GRM7: variants seen among roughly 807,000 people sequenced by gnomAD.
The protein encoded by GRM7 is metabotropic glutamate receptor 7.
Under a neutral mutation model 84.5 loss-of-function variants are expected in GRM7, and 35 were observed. The observed-to-expected ratio is 0.41, with a 90% CI of 0.32 to 0.55. GRM7 has a LOEUF of 0.55. Among genes scored for constraint, GRM7 ranks in the 20% least tolerant of loss-of-function variants. The pLI, the probability that GRM7 is intolerant of heterozygous loss-of-function variation, is 0.19. For missense variants in GRM7, 1,003 were observed against 1,194.6 expected, an observed-to-expected ratio of 0.84 and a Z score of 2.36; for synonymous variants, 487 against 455.1, an observed-to-expected ratio of 1.07 and a Z score of -0.89.
chr3:6,877,318 C>T (rs951285619), intron 1 of GRM7, among the ~76,000 whole-genome samples: 13 of 152,272 alleles, frequency 8.5e-5, no homozygotes, highest in Admixed American at 7.2e-4. Context: ...TTCATAGGCA[C>T]CTTGACGCCA....
chr3:7,580,844 G>A (rs554083486), intron 8 of GRM7, among the ~76,000 whole-genome samples: 1 of 151,778 alleles, frequency 6.6e-6, no homozygotes, highest in South Asian at 2.1e-4. Context: ...CTGGGCCAAG[G>A]GAATAGTAAA....
chr3:7,684,706 G>A (rs1700509322), intron 9 of GRM7, among the ~76,000 whole-genome samples: 1 of 152,088 alleles, frequency 6.6e-6, no homozygotes. Flanking sequence ...TCCATTATGT[G>A]TGGAATAAAC....
At chr3:6,876,582 A>T (rs545730099) in intron 1 of GRM7, among the ~76,000 whole-genome samples, 2 of 149,314 alleles carry the variant, frequency 1.3e-5, no homozygotes, top group Admixed American at 6.8e-5. Flanking sequence ...CTGATAAGTC[A>T]GAGGTTTTTA....
At chr3:7,544,238 C>G (rs986555724) in intron 7 of GRM7, among the ~76,000 whole-genome samples, 1 of 152,184 alleles carries the variant, frequency 6.6e-6, no homozygotes. Context: ...AGGTAGCTCA[C>G]TGCAGACTCG....
chr3:7,706,876 G>A lies in GRM7; in HGVS notation c.2698+26581G>A, dbSNP rs57396568. Among the ~76,000 whole-genome samples the A allele has an allele frequency of 4.6e-3, 699 of 152,158 alleles. 5 individuals carry two copies. Among genetic ancestry groups the A allele is most frequent in the African/African-American group, 0.015 (611 of 41,514 alleles). On this transcript the variant is annotated intron_variant, in intron 9 of 9. Transcript: ENST00000357716. ...GCATGACCAACCACCACCCTAAATC[G>A]CATGGTCACTATCTGGCTAGGAGGA...
chr3:7,175,331 A>G (rs1358655340), intron 2 of GRM7, among the ~76,000 whole-genome samples: 2 of 152,328 alleles, frequency 1.3e-5, no homozygotes, highest in East Asian at 3.9e-4. Flanking sequence ...ATTTTATAAT[A>G]TTTAATAATT....
intron 5 of GRM7, among the ~76,000 whole-genome samples, chr3:7,421,234 GCGC>G (rs1696380209): frequency 6.6e-6 from 1 of 152,150 alleles, no homozygotes. Flanking sequence ...GGGAAGCATA[GCGC>G]CACCTATGTT....
intron 8 of GRM7, among the ~76,000 whole-genome samples, chr3:7,671,481 G>A (rs746125842): frequency 4.0e-5 from 6 of 151,822 alleles, no homozygotes; most frequent in Middle Eastern, 3.2e-3. Flanking sequence ...CACCTGGAGC[G>A]CTCGCCTTAC....
At chr3:7,173,720 A>G (rs1164657570) in intron 2 of GRM7, among the ~76,000 whole-genome samples, 1 of 151,902 alleles carries the variant, frequency 6.6e-6, no homozygotes, top group Non-Finnish European at 1.5e-5. Flanking sequence ...GCCCCACCCC[A>G]CATTCATTTA....
intron 1 of GRM7, among the ~76,000 whole-genome samples, chr3:7,064,561 AT>A (rs775211525): frequency 0.24 from 32,470 of 137,382 alleles, 4,962 homozygotes; most frequent in African/African-American, 0.39. Context: ...ATATATATAT[AT>A]ATATATATCA....
At chr3:7,568,231 G>T (rs540577305) in intron 7 of GRM7, among the ~76,000 whole-genome samples, 1 of 152,132 alleles carries the variant, frequency 6.6e-6, no homozygotes, top group African/African-American at 2.4e-5. Flanking sequence ...TCTCAATAGT[G>T]CATCACAATA....
chr3:7,354,149 C>T (rs1323133031), intron 4 of GRM7, among the ~76,000 whole-genome samples: 2 of 152,120 alleles, frequency 1.3e-5, no homozygotes, highest in Non-Finnish European at 2.9e-5. Flanking sequence ...GTCAATCCTC[C>T]TGCCATCGTT....
At chr3:7,353,187 G>A (rs1268294014) in intron 4 of GRM7, among the ~76,000 whole-genome samples, 2 of 152,022 alleles carry the variant, frequency 1.3e-5, no homozygotes, top group African/African-American at 4.8e-5. Flanking sequence ...GACTCAAGAC[G>A]CAGCAGGTCC....
chr3:7,252,195 G>A (rs920467404), intron 2 of GRM7, among the ~76,000 whole-genome samples: 8 of 152,188 alleles, frequency 5.3e-5, no homozygotes, highest in African/African-American at 1.7e-4. Flanking sequence ...ATTTGTTACC[G>A]AGAGGCAAGT....
At chr3:7,226,764 CT>C (rs1487868235) in intron 2 of GRM7, among the ~76,000 whole-genome samples, 3 of 152,166 alleles carry the variant, frequency 2.0e-5, no homozygotes, top group African/African-American at 7.2e-5. Flanking sequence ...CCCCATTTAT[CT>C]ACTTTGTTAT....
intron 5 of GRM7, among the ~76,000 whole-genome samples, chr3:7,450,622 A>T (rs572775813): frequency 6.6e-6 from 1 of 152,288 alleles, no homozygotes; most frequent in African/African-American, 2.4e-5. Flanking sequence ...GAGAGAAAGG[A>T]AGTAGAGATT....
At chr3:7,253,002 T>C (rs987952534) in intron 2 of GRM7, among the ~76,000 whole-genome samples, 29 of 121,360 alleles carry the variant, frequency 2.4e-4, no homozygotes, top group African/African-American at 8.7e-4. Flanking sequence ...TACCAATTTC[T>C]GGCTTTTCTT....
intron 6 of GRM7, among the ~76,000 whole-genome samples, chr3:7,460,388 C>A (rs1367149389): frequency 8.1e-6 from 1 of 123,802 alleles, no homozygotes; most frequent in Non-Finnish European, 2.0e-5. Context: ...TCACTATAAA[C>A]AATTTTTTTT....
chr3:7,672,781 T>C (rs996925656), intron 8 of GRM7, among the ~76,000 whole-genome samples: 3 of 152,030 alleles, frequency 2.0e-5, no homozygotes, highest in Non-Finnish European at 4.4e-5. Flanking sequence ...ATTTTTTTTG[T>C]ATTTTTTAGT....
Sources: allele counts gnomAD v4.1 joint callset (sites outside exome capture counted in the v4.1 genomes callset), GRCh38; gene constraint gnomAD v4.1.1; transcripts MANE v1.5; gene names NCBI Gene and HGNC (gene_info 2026-07-23, HGNC 2026-07-21).